Variants in RHPN2 observed in about 807,000 individuals in gnomAD.
RHPN2 encodes the protein rhophilin Rho GTPase binding protein 2.
A neutral mutation model predicts 79.0 loss-of-function variants in RHPN2; 40 were observed. The ratio of observed to expected loss-of-function variants is 0.51; its 90% CI spans 0.39 to 0.66. The LOEUF is 0.66. RHPN2 is among the 30% of genes least tolerant of loss of function. RHPN2 has a pLI of 0.00. For synonymous variants in RHPN2, 285 were observed against 363.5 expected, an observed-to-expected ratio of 0.78 and a Z score of 2.46; for missense variants, 686 against 883.5, an observed-to-expected ratio of 0.78 and a Z score of 2.83.
intron 1 of RHPN2, among the ~76,000 whole-genome samples, chr19:33,055,363 T>TAA (rs1355476023): frequency 2.1e-5 from 3 of 142,180 alleles, no homozygotes; most frequent in African/African-American, 5.1e-5. Context: ...CTGTCATCTT[T>TAA]AAAAAAAAAA....
chr19:33,002,097 C>T, intron 9 of RHPN2, 150 bp downstream of exon 9: 1 of 947,570 alleles, frequency 1.1e-6, no homozygotes, highest in South Asian at 1.4e-5. Flanking sequence ...GCCTGTGCGG[C>T]AGCTGCCTCA....
At chr19:33,046,365 G>C (rs10420200) in intron 1 of RHPN2, among the ~76,000 whole-genome samples, 6,724 of 151,858 alleles carry the variant, frequency 0.044, 486 homozygotes, top group African/African-American at 0.15. Context: ...TCCCAGGTTC[G>C]AACGATTCTC....
At chr19:33,023,332 G>A (rs1971939561) in intron 3 of RHPN2, among the ~76,000 whole-genome samples, 1 of 151,734 alleles carries the variant, frequency 6.6e-6, no homozygotes, top group Non-Finnish European at 1.5e-5. Flanking sequence ...CTACTCAGGA[G>A]GCTGAGGCAG....
intron 2 of RHPN2, among the ~76,000 whole-genome samples, chr19:33,031,527 GA>G (rs1376541006): frequency 1.3e-5 from 2 of 151,962 alleles, no homozygotes; most frequent in Non-Finnish European, 2.9e-5. Flanking sequence ...TTACAGGCGT[GA>G]GCCACGACGC....
rs117790702 is a variant in RHPN2, at chr19:33,010,978, C to T, written c.593+701G>A. 7.0e-3 allele frequency among the ~76,000 whole-genome samples: 1,073 copies of T among 152,308 alleles called. 5 individuals carry two copies. Among genetic ancestry groups the T allele is most frequent in the Non-Finnish European group, 0.011 (737 of 68,028 alleles). On this transcript the variant is annotated intron_variant, in intron 6 of 14. Coordinates refer to ENST00000254260, the MANE Select transcript of RHPN2 (RefSeq NM_033103.5). ...CATTACAGGTGTGAGCCACTGTACC[C>T]GGCCTCCCAAGTATTTAAACTATAC...
chr19:33,034,628 A>AAC (rs1184609046), intron 2 of RHPN2, among the ~76,000 whole-genome samples: 2 of 148,518 alleles, frequency 1.3e-5, no homozygotes, highest in East Asian at 4.0e-4. Flanking sequence ...AAAAAATACA[A>AAC]AAGTTAGCTG....
chr19:33,002,305 G>C lies in RHPN2; in HGVS notation c.1047C>G (p.Ala349=), dbSNP rs1242550142. 2 of 1,613,772 alleles carry C rather than the reference G, an allele frequency of 1.2e-6. No homozygotes were observed. The highest frequency in any genetic ancestry group is 1.3e-5 in the African/African-American group (1 of 74,928). Residue 349 remains alanine, a synonymous_variant, in exon 9 of 15, where the codon GCC becomes GCG. Transcript: ENST00000254260. ...AGTGGGCCAGGGCCGCGTAGTGGTGGGCCTTCACGCAGGCTAAGCTGGCCC... is the reference window on the plus strand; with the variant it reads ...AGTGGGCCAGGGCCGCGTAGTGGTGCGCCTTCACGCAGGCTAAGCTGGCCC... ...YSWASLACVK[A]HHYAALAHYF...
chr19:33,056,959 A>AG (rs1407010953), intron 1 of RHPN2, among the ~76,000 whole-genome samples: 1 of 150,980 alleles, frequency 6.6e-6, no homozygotes, highest in Non-Finnish European at 1.5e-5. Flanking sequence ...AATACAAAAA[A>AG]AAAAAAAAAA....
intron 6 of RHPN2, among the ~76,000 whole-genome samples, chr19:33,008,833 G>C (rs10411924): frequency 0.31 from 46,438 of 151,964 alleles, 7,860 homozygotes; most frequent in African/African-American, 0.46. Context: ...CAAGATGACA[G>C]GACTAATCAC....
At chr19:32,989,793 G>T (rs1326421943) in intron 14 of RHPN2, among the ~76,000 whole-genome samples, 2 of 151,892 alleles carry the variant, frequency 1.3e-5, no homozygotes, top group African/African-American at 4.8e-5. Context: ...AACATAGCAA[G>T]AACCTGTCTC....
chr19:32,983,143 A>C (rs73579759), intron 14 of RHPN2, among the ~76,000 whole-genome samples: 2,585 of 126,644 alleles, frequency 0.02, 37 homozygotes, highest in South Asian at 0.043. Flanking sequence ...TTCTTGGCCC[A>C]GATCTCTACA....
At chr19:33,063,897 C>T (rs1278247633) in intron 1 of RHPN2, among the ~76,000 whole-genome samples, 1 of 150,892 alleles carries the variant, frequency 6.6e-6, no homozygotes, top group African/African-American at 2.5e-5. Flanking sequence ...CAGTGAGACG[C>T]ACAAGACCGT....
chr19:33,037,855 A>G (rs1279669325), intron 2 of RHPN2, among the ~76,000 whole-genome samples: 1 of 141,192 alleles, frequency 7.1e-6, no homozygotes, highest in African/African-American at 2.9e-5. Context: ...AATTCCGGAC[A>G]CACTAGGATT....
chr19:32,997,351 G>A (rs536404760), intron 10 of RHPN2, among the ~76,000 whole-genome samples: 1 of 152,172 alleles, frequency 6.6e-6, no homozygotes, highest in Non-Finnish European at 1.5e-5. Flanking sequence ...AGTGGTTGAC[G>A]ACAGATAACT....
chr19:32,979,557 A>G lies in RHPN2; in HGVS notation c.*439T>C, dbSNP rs748697783. On this transcript the variant is annotated 3_prime_UTR_variant, in exon 15 of 15. Coordinates refer to ENST00000254260, the MANE Select transcript of RHPN2 (RefSeq NM_033103.5). ...TTTTTAGTGACACTAATTTAATTCT[A>G]TCATTACAGTCCTCTGACCTGCCTT... The G allele has an allele frequency of 6.6e-4, 110 of 165,812 alleles. No homozygotes were observed. In the Middle Eastern group the frequency reaches 9.4e-3, roughly 14 times the overall value. 10.3% of individuals were successfully genotyped at this position (165,812 alleles called of 1,614,324 possible).
chr19:33,064,490 A>AG (rs1972309860), intron 1 of RHPN2, among the ~76,000 whole-genome samples: 2 of 115,720 alleles, frequency 1.7e-5, no homozygotes, highest in Admixed American at 7.9e-5. Flanking sequence ...GGGGGGTGGG[A>AG]GGGGGGAGAC....
rs752356242 is a variant in RHPN2 at position 32,990,605 on chromosome 19, G to A, written c.1709C>T (p.Thr570Met). Residue 570 changes from threonine (T) to methionine (M), a missense_variant, in exon 14 of 15, where the codon ACG becomes ATG. By Grantham distance (81) the Thr-to-Met change is moderately conservative. Transcript: ENST00000254260. ...CAGCAGCTTCATAACCTCACTCAGC[G>A]TCAGCCACTTACAATCCACAAGCTG... ...SIQLVDCKWL[T>M]LSEVMKLLKS... is the part of the protein sequence containing the mutation. 1.8e-5 allele frequency: 29 copies of A among 1,613,670 alleles called. No homozygotes were observed. The highest frequency in any genetic ancestry group is 2.7e-5 in the African/African-American group (2 of 74,842).
chr19:33,047,390 A>T, intron 1 of RHPN2, among the ~76,000 whole-genome samples: 1 of 152,136 alleles, frequency 6.6e-6, no homozygotes, highest in East Asian at 1.9e-4. Flanking sequence ...TTGGATTACA[A>T]CGCTTCACGC....
At chr19:33,045,070 G>A (rs1434698470) in intron 1 of RHPN2, among the ~76,000 whole-genome samples, 1 of 61,392 alleles carries the variant, frequency 1.6e-5, no homozygotes, top group Non-Finnish European at 2.8e-5. Flanking sequence ...TTTTTTTTTT[G>A]GAGATGGAGT....
Sources: allele counts gnomAD v4.1 joint callset (sites outside exome capture counted in the v4.1 genomes callset), GRCh38; gene constraint gnomAD v4.1.1; transcripts MANE v1.5; gene names NCBI Gene and HGNC (gene_info 2026-07-23, HGNC 2026-07-21).